ME3: variants seen among roughly 807,000 people sequenced by gnomAD.
ME3 encodes malic enzyme 3.
ME3 carries 48 observed loss-of-function variants against 68.9 expected under a neutral mutation model. The ratio of observed to expected loss-of-function variants is 0.70; its 90% CI spans 0.55 to 0.89. The LOEUF is 0.89. Among genes scored for constraint, ME3 ranks in the 40% least tolerant of loss-of-function variants. ME3 has a pLI of 0.00. For synonymous variants in ME3, 320 were observed against 318.8 expected, an observed-to-expected ratio of 1.00 and a Z score of -0.04; for missense variants, 675 against 797.4, an observed-to-expected ratio of 0.85 and a Z score of 1.85.
At chr11:86,545,360 G>A (rs1299162513) in intron 4 of ME3, among the ~76,000 whole-genome samples, 1 of 152,194 alleles carries the variant, frequency 6.6e-6, no homozygotes, top group African/African-American at 2.4e-5. Context: ...ATTCAAATAG[G>A]ATGAGAGGAA....
intron 2 of ME3, among the ~76,000 whole-genome samples, chr11:86,617,482 A>G (rs1044084657): frequency 1.3e-5 from 2 of 152,122 alleles, no homozygotes; most frequent in African/African-American, 4.8e-5. Flanking sequence ...TTTTCTATGT[A>G]GTTATTTTAG....
At chr11:86,610,616 G>A (rs1315157398) in intron 2 of ME3, among the ~76,000 whole-genome samples, 1 of 150,182 alleles carries the variant, frequency 6.7e-6, no homozygotes, top group Non-Finnish European at 1.5e-5. Context: ...GGGTGGCTGT[G>A]CATGCATGAA....
intron 2 of ME3, among the ~76,000 whole-genome samples, chr11:86,591,440 G>C (rs1959053311): frequency 6.6e-6 from 1 of 152,208 alleles, no homozygotes; most frequent in Non-Finnish European, 1.5e-5. Flanking sequence ...GGGTGTCATA[G>C]CAAGAGGAGA....
chr11:86,568,586 G>A (rs75225704), intron 2 of ME3, among the ~76,000 whole-genome samples: 4,389 of 152,316 alleles, frequency 0.029, 201 homozygotes, highest in African/African-American at 0.092. Context: ...ATCAGAGGGA[G>A]GATATTTCAA....
chr11:86,570,551 A>T (rs980271280), intron 2 of ME3, among the ~76,000 whole-genome samples: 4 of 152,140 alleles, frequency 2.6e-5, no homozygotes, highest in African/African-American at 9.7e-5. Context: ...CAGCATTGGG[A>T]AGTCTCCGCA....
chr11:86,574,103 C>A (rs1249917049), intron 2 of ME3, among the ~76,000 whole-genome samples: 1 of 152,082 alleles, frequency 6.6e-6, no homozygotes, highest in Non-Finnish European at 1.5e-5. Context: ...GTTAGCAGGT[C>A]CTGGAACATT....
intron 4 of ME3, among the ~76,000 whole-genome samples, chr11:86,544,532 C>T (rs1023479871): frequency 9.2e-5 from 14 of 152,204 alleles, no homozygotes; most frequent in South Asian, 4.1e-4. Context: ...AACACTTCTA[C>T]GCAAATAAAC....
exon 15 of ME3, chr11:86,441,214 A>T: frequency 7.3e-7 from 1 of 1,361,200 alleles, no homozygotes; most frequent in Non-Finnish European, 9.7e-7. Context: ...CCATTTTGGA[A>T]CCCATTTATA....
intron 7 of ME3, among the ~76,000 whole-genome samples, chr11:86,476,934 T>C (rs547197818): frequency 6.6e-6 from 1 of 152,262 alleles, no homozygotes; most frequent in East Asian, 1.9e-4. Context: ...GTGTTGGACA[T>C]GTGAATGGAT....
At chr11:86,509,107 C>T (rs1953308824) in intron 4 of ME3, among the ~76,000 whole-genome samples, 1 of 152,172 alleles carries the variant, frequency 6.6e-6, no homozygotes, top group Non-Finnish European at 1.5e-5. Context: ...GCCTGTGCTC[C>T]CCAGAGTCTG....
At chr11:86,556,638 C>T in exon 4 of ME3, 1 of 1,614,130 alleles carries the variant, frequency 6.2e-7, no homozygotes, top group Non-Finnish European at 8.5e-7. Context: ...TTCTCCACGT[C>T]CGAAGTCAGC....
At chr11:86,671,426 T>C (rs1050620622) in intron 2 of ME3, among the ~76,000 whole-genome samples, 6 of 152,234 alleles carry the variant, frequency 3.9e-5, no homozygotes, top group African/African-American at 1.2e-4. Flanking sequence ...TAGGCTCATG[T>C]AGGTTAAATG....
At chr11:86,566,334 G>A (rs565041147) in intron 2 of ME3, among the ~76,000 whole-genome samples, 38 of 152,298 alleles carry the variant, frequency 2.5e-4, no homozygotes, top group South Asian at 1.5e-3. Flanking sequence ...GGTGATAAAC[G>A]AGACCTCGAT....
chr11:86,664,822 T>C (rs1946492513), intron 2 of ME3, among the ~76,000 whole-genome samples: 3 of 152,212 alleles, frequency 2.0e-5, no homozygotes, highest in Non-Finnish European at 4.4e-5. Context: ...AGGCACCACC[T>C]GTGTCTTCTG....
Position 86,608,851 on chromosome 11 carries a change from T to C in ME3, c.184-49028A>G, listed in dbSNP as rs74801280. ...AATTCACTGGTAAGTCTTGGTGCAA[T>C]GAAGAAAGTAAAAATTCCATAATGA... On this transcript the variant is annotated intron_variant, in intron 2 of 14. Coordinates refer to ENST00000543262, the Ensembl canonical transcript of ME3. Among the ~76,000 whole-genome samples the C allele has an allele frequency of 3.7e-3, 568 of 152,298 alleles. 2 individuals carry two copies. Among genetic ancestry groups the C allele is most frequent in the African/African-American group, 0.013 (523 of 41,552 alleles).
rs764329409 is a variant in ME3, at chr11:86,632,615, C to T, written c.183+39147G>A. Among the ~76,000 whole-genome samples the T allele has an allele frequency of 3.5e-4, 54 of 152,306 alleles. 1 individual carries two copies. Among genetic ancestry groups the T allele is most frequent in the Admixed American group, 1.0e-3 (16 of 15,296 alleles). ...CCTGGACATCATCCTCAGGCCCCTCCAGTACTGCATACACTGATTCTCTGG... is the reference window on the plus strand; with the variant it reads ...CCTGGACATCATCCTCAGGCCCCTCTAGTACTGCATACACTGATTCTCTGG... On this transcript the variant is annotated intron_variant, in intron 2 of 14. Coordinates refer to ENST00000543262, the Ensembl canonical transcript of ME3.
At chr11:86,543,083 C>A (rs1054190552) in intron 4 of ME3, among the ~76,000 whole-genome samples, 2 of 152,172 alleles carry the variant, frequency 1.3e-5, no homozygotes, top group Admixed American at 1.3e-4. Context: ...GAAATAAAAT[C>A]CTTTACAGAC....
chr11:86,592,051 A>C (rs1239433336), intron 2 of ME3, among the ~76,000 whole-genome samples: 1 of 152,194 alleles, frequency 6.6e-6, no homozygotes, highest in East Asian at 1.9e-4. Context: ...ATCTCACGTG[A>C]AGTCCAAGCC....
At chr11:86,483,318 G>C (rs1276294282) in intron 7 of ME3, among the ~76,000 whole-genome samples, 4 of 152,202 alleles carry the variant, frequency 2.6e-5, no homozygotes, top group Non-Finnish European at 4.4e-5. Flanking sequence ...AAGCGGGGTT[G>C]GCTCTGGAAG....
Sources: allele counts gnomAD v4.1 joint callset (sites outside exome capture counted in the v4.1 genomes callset), GRCh38; gene constraint gnomAD v4.1.1; transcripts MANE v1.5; gene names NCBI Gene and HGNC (gene_info 2026-07-23, HGNC 2026-07-21).